CPNE4: variants seen among roughly 807,000 people sequenced by gnomAD.
CPNE4 encodes copine-4.
Under a neutral mutation model 67.9 loss-of-function variants are expected in CPNE4, and 25 were observed. The ratio of observed to expected loss-of-function variants is 0.37; its 90% CI spans 0.27 to 0.51. CPNE4 has a LOEUF of 0.51. Ranked by LOEUF, CPNE4 falls within the 20% of genes least tolerant of loss-of-function variation. The pLI is 0.93. For missense variants in CPNE4, 464 were observed against 690.8 expected (o/e 0.67, Z 3.68); for synonymous variants, 242 against 244.9 (o/e 0.99, Z 0.11).
intron 2 of CPNE4, among the ~76,000 whole-genome samples, chr3:131,853,844 T>C (rs1034365080): frequency 6.6e-6 from 1 of 151,866 alleles, no homozygotes; most frequent in Non-Finnish European, 1.5e-5. Flanking sequence ...ACAGTAATAT[T>C]TCATGCCCAC....
At chr3:131,918,560 G>A (rs535970662) in intron 1 of CPNE4, among the ~76,000 whole-genome samples, 72 of 152,164 alleles carry the variant, frequency 4.7e-4, no homozygotes, top group Middle Eastern at 6.8e-3. Flanking sequence ...CAATCATACC[G>A]GAAAGGAAAA....
intron 2 of CPNE4, among the ~76,000 whole-genome samples, chr3:131,824,254 T>C (rs577056894): frequency 2.6e-5 from 4 of 152,002 alleles, no homozygotes; most frequent in African/African-American, 9.7e-5. Context: ...GTTATCCAGA[T>C]GAAACTTGAT....
chr3:131,882,228 A>T (rs991136148), intron 2 of CPNE4, among the ~76,000 whole-genome samples: 2 of 152,068 alleles, frequency 1.3e-5, no homozygotes, highest in East Asian at 1.9e-4. Context: ...GTTTAATTAT[A>T]TTAGTATTTT....
chr3:131,809,313 A>T (rs940132115), intron 2 of CPNE4, among the ~76,000 whole-genome samples: 1 of 152,154 alleles, frequency 6.6e-6, no homozygotes, highest in African/African-American at 2.4e-5. Context: ...GTGACCTCTA[A>T]GAAATGGAAA....
At chr3:131,657,018 G>GT (rs2079989281) in intron 7 of CPNE4, among the ~76,000 whole-genome samples, 1 of 152,110 alleles carries the variant, frequency 6.6e-6, no homozygotes. Context: ...GAGTGTGACC[G>GT]TAAGCCCTTT....
intron 7 of CPNE4, among the ~76,000 whole-genome samples, chr3:131,629,653 C>G (rs2079169589): frequency 6.6e-6 from 1 of 152,120 alleles, no homozygotes; most frequent in Admixed American, 6.5e-5. Context: ...CCATGTTGGC[C>G]AGGCTGGTCT....
chr3:131,618,554 G>A (rs370894602), intron 7 of CPNE4, among the ~76,000 whole-genome samples: 22 of 152,182 alleles, frequency 1.4e-4, no homozygotes, highest in African/African-American at 2.6e-4. Context: ...CCACAGTATC[G>A]GGGCTTTCTT....
At chr3:131,735,384 A>G (rs115174998) in intron 2 of CPNE4, among the ~76,000 whole-genome samples, 1,543 of 152,348 alleles carry the variant, frequency 0.01, 27 homozygotes, top group African/African-American at 0.035. Flanking sequence ...TTCCTGAAGC[A>G]TGTTTCATGA....
intron 5 of CPNE4, among the ~76,000 whole-genome samples, chr3:131,687,578 G>A (rs527540774): frequency 3.2e-4 from 49 of 152,282 alleles, no homozygotes; most frequent in African/African-American, 1.2e-3. Context: ...ATTCCTAAAT[G>A]TTAAGCAAGC....
rs116059535 is a variant in CPNE4, at chr3:131,744,682, T to C, written c.181-21057A>G. Among the ~76,000 whole-genome samples the C allele has an allele frequency of 2.1e-3, 323 of 152,362 alleles. 3 individuals carry two copies. The highest frequency in any genetic ancestry group is 7.5e-3 in the African/African-American group (312 of 41,582). On this transcript the variant is annotated intron_variant, in intron 2 of 15. Transcript: ENST00000429747. ...CAAGAATGTTATTTAAATTGACTCA[T>C]ACAGTATGTAAGCTCTTCAGATTAG...
intron 9 of CPNE4, among the ~76,000 whole-genome samples, chr3:131,577,422 G>A (rs549453994): frequency 6.6e-6 from 1 of 152,126 alleles, no homozygotes; most frequent in South Asian, 2.1e-4. Flanking sequence ...ACAAACCTAG[G>A]TGGTATATCC....
intron 2 of CPNE4, among the ~76,000 whole-genome samples, chr3:131,724,432 CT>C (rs2081957032): frequency 1.3e-5 from 2 of 152,246 alleles, no homozygotes; most frequent in African/African-American, 4.8e-5. Context: ...AGTTGTCCCC[CT>C]CTCTCAGATA....
At chr3:131,956,082 C>T (rs1468135030) in intron 1 of CPNE4, among the ~76,000 whole-genome samples, 4 of 144,300 alleles carry the variant, frequency 2.8e-5, no homozygotes, top group African/African-American at 7.5e-5. Flanking sequence ...ATAAATTCTT[C>T]TCGTATTTTT....
chr3:131,858,268 A>C (rs1020990604), intron 2 of CPNE4, among the ~76,000 whole-genome samples: 12 of 152,126 alleles, frequency 7.9e-5, no homozygotes, highest in African/African-American at 2.9e-4. Flanking sequence ...CCTGCCATTC[A>C]ACCCTATCAA....
At chr3:131,803,282 T>G (rs2084196552) in intron 2 of CPNE4, among the ~76,000 whole-genome samples, 1 of 152,326 alleles carries the variant, frequency 6.6e-6, no homozygotes, top group South Asian at 2.1e-4. Flanking sequence ...AGTATCATAT[T>G]TAGCACAGTG....
At chr3:131,631,945 G>C (rs1360521758) in intron 7 of CPNE4, among the ~76,000 whole-genome samples, 1 of 149,222 alleles carries the variant, frequency 6.7e-6, no homozygotes, top group East Asian at 2.0e-4. Context: ...GCCCAGGCTG[G>C]AGTGCCATGG....
intron 2 of CPNE4, among the ~76,000 whole-genome samples, chr3:131,859,379 A>G (rs371887324): frequency 1.5e-4 from 23 of 152,226 alleles, no homozygotes; most frequent in African/African-American, 5.3e-4. Flanking sequence ...TCTCTATTCA[A>G]TACTCATCAT....
intron 3 of CPNE4, among the ~76,000 whole-genome samples, chr3:131,711,932 G>A (rs1444379144): frequency 6.6e-6 from 1 of 152,110 alleles, no homozygotes; most frequent in African/African-American, 2.4e-5. Flanking sequence ...CAAAAGATCA[G>A]AATCAAATTA....
chr3:131,615,151 G>A (rs1437791296), intron 7 of CPNE4, among the ~76,000 whole-genome samples: 1 of 152,184 alleles, frequency 6.6e-6, no homozygotes, highest in African/African-American at 2.4e-5. Context: ...CTAGGACCAT[G>A]GTTTGAGAAC....
Sources: gnomAD v4.1 joint callset for allele counts (sites outside exome capture counted in the v4.1 genomes callset) on GRCh38, gnomAD v4.1.1 for gene constraint, MANE v1.5 for transcripts, NCBI Gene and HGNC (gene_info 2026-07-23, HGNC 2026-07-21) for gene names.